The following SLCO1A2 variants were observed in gnomAD, a reference collection of about 807,000 sequenced individuals.
SLCO1A2 encodes the protein OATP-1.
In SLCO1A2, 67 loss-of-function variants were observed where a neutral mutation model predicts 69.0. That is an observed-to-expected ratio of 0.97 (90% CI 0.80 to 1.19). SLCO1A2 has a LOEUF of 1.19. SLCO1A2 is among the 50% of genes most tolerant of loss of function. The pLI, the probability that SLCO1A2 is intolerant of heterozygous loss-of-function variation, is 0.00. For missense variants in SLCO1A2, 787 were observed against 793.7 expected, an observed-to-expected ratio of 0.99 and a Z score of 0.10; for synonymous variants, 260 against 265.9, an observed-to-expected ratio of 0.98 and a Z score of 0.22.
At chr12:21,273,430 A>G (rs903228737) in intron 14 of SLCO1A2, among the ~76,000 whole-genome samples, 2 of 152,202 alleles carry the variant, frequency 1.3e-5, no homozygotes, top group Non-Finnish European at 2.9e-5. Context: ...AGAATTGTCT[A>G]CCAACAATAT....
At chr12:21,298,321 TTCTAGTAATGTGTGGCCTGCC>T (rs879689301) in intron 8 of SLCO1A2, among the ~76,000 whole-genome samples, 1 of 151,950 alleles carries the variant, frequency 6.6e-6, no homozygotes, top group Non-Finnish European at 1.5e-5. Context: ...TTTGGCCTGC[TTCTAGTAATGTGTGGCCTGCC>T]TCTAGTAATG....
intron 2 of SLCO1A2, chr12:21,373,385 G>C: frequency 4.3e-6 from 7 of 1,613,572 alleles, no homozygotes; most frequent in Non-Finnish European, 5.9e-6. Context: ...ATTTCTCATT[G>C]TGCTCTCTGT....
At chr12:21,376,222 C>A in intron 1 of SLCO1A2, 1 of 165,558 alleles carries the variant, frequency 6.0e-6, no homozygotes, top group Non-Finnish European at 1.4e-5. Context: ...TAAAGTATTT[C>A]ACACTGTGCT....
intron 3 of SLCO1A2, among the ~76,000 whole-genome samples, chr12:21,317,420 T>C (rs550699664): frequency 2.4e-4 from 37 of 152,330 alleles, no homozygotes; most frequent in African/African-American, 8.7e-4. Context: ...CTTAACCTCA[T>C]TTCTTCTCCT....
intron 9 of SLCO1A2, among the ~76,000 whole-genome samples, chr12:21,296,326 A>G (rs1356806963): frequency 6.6e-6 from 1 of 152,056 alleles, no homozygotes; most frequent in Non-Finnish European, 1.5e-5. Flanking sequence ...CTGGAGCCTC[A>G]GCTTCCTGGG....
intron 4 of SLCO1A2, among the ~76,000 whole-genome samples, chr12:21,312,512 C>T (rs1950348484): frequency 6.6e-6 from 1 of 152,176 alleles, no homozygotes; most frequent in Non-Finnish European, 1.5e-5. Context: ...CTATTTGGTG[C>T]AAGTGGCTTA....
At chr12:21,368,437 T>C (rs1313696560) in intron 2 of SLCO1A2, among the ~76,000 whole-genome samples, 1 of 151,428 alleles carries the variant, frequency 6.6e-6, no homozygotes, top group Non-Finnish European at 1.5e-5. Flanking sequence ...AAATGCAATC[T>C]TGTTTAGATC....
chr12:21,327,320 T>C (rs1952312897), intron 2 of SLCO1A2, among the ~76,000 whole-genome samples: 2 of 152,060 alleles, frequency 1.3e-5, no homozygotes, highest in African/African-American at 2.4e-5. Flanking sequence ...TAGGGCAGTG[T>C]GGAAGGGAAA....
intron 2 of SLCO1A2, chr12:21,319,435 T>C (rs748486330): frequency 7.3e-7 from 1 of 1,367,826 alleles, no homozygotes; most frequent in Non-Finnish European, 9.8e-7. Context: ...TTCTGCATTC[T>C]CAGCAATGAG....
chr12:21,287,902 C>G (rs958979996), intron 12 of SLCO1A2, among the ~76,000 whole-genome samples: 2 of 123,188 alleles, frequency 1.6e-5, no homozygotes, highest in African/African-American at 3.2e-5. Flanking sequence ...GGGAGATATA[C>G]CTAATGCTAG....
intron 1 of SLCO1A2, among the ~76,000 whole-genome samples, chr12:21,381,898 C>A (rs1055147451): frequency 1.3e-5 from 2 of 152,178 alleles, no homozygotes; most frequent in African/African-American, 4.8e-5. Flanking sequence ...ATTAGTACAA[C>A]CTCTCTGGAA....
intron 11 of SLCO1A2, among the ~76,000 whole-genome samples, chr12:21,293,052 CCCAG>C (rs772028788): frequency 3.8e-4 from 58 of 152,304 alleles, no homozygotes; most frequent in Middle Eastern, 3.4e-3. Context: ...CGCCTGTAAT[CCCAG>C]CACTTTGGGG....
chr12:21,328,973 G>A (rs887955008), intron 2 of SLCO1A2, among the ~76,000 whole-genome samples: 2 of 152,164 alleles, frequency 1.3e-5, no homozygotes, highest in South Asian at 2.1e-4. Context: ...ATTTTATAGG[G>A]ATGGTTGGGA....
At chr12:21,278,088 C>T (rs1024219593) in intron 12 of SLCO1A2, among the ~76,000 whole-genome samples, 28 of 152,122 alleles carry the variant, frequency 1.8e-4, no homozygotes, top group African/African-American at 6.0e-4. Flanking sequence ...CTTAAGTAAA[C>T]GTCAGTGGTG....
chr12:21,363,101 A>C (rs1310432858), intron 2 of SLCO1A2, among the ~76,000 whole-genome samples: 1 of 152,230 alleles, frequency 6.6e-6, no homozygotes, highest in African/African-American at 2.4e-5. Context: ...CATTCTTCTC[A>C]GCAACACATC....
chr12:21,325,621 T>C (rs1952163936), intron 2 of SLCO1A2, among the ~76,000 whole-genome samples: 1 of 152,216 alleles, frequency 6.6e-6, no homozygotes, highest in Non-Finnish European at 1.5e-5. Context: ...TGCAGAAAAC[T>C]GATATGGGGC....
chr12:21,387,466 T>C (rs1940937438), intron 1 of SLCO1A2, among the ~76,000 whole-genome samples: 1 of 152,086 alleles, frequency 6.6e-6, no homozygotes, highest in African/African-American at 2.4e-5. Flanking sequence ...ACTCCAATCA[T>C]GGCTAAAAGG....
At chr12:21,409,958 T>C (rs913698584) in intron 1 of SLCO1A2, among the ~76,000 whole-genome samples, 2 of 152,236 alleles carry the variant, frequency 1.3e-5, no homozygotes, top group African/African-American at 4.8e-5. Flanking sequence ...TTTTAAAATG[T>C]GGAAAGTAAG....
intron 1 of SLCO1A2, chr12:21,403,711 C>CTTTTTTTTT (rs71043273): frequency 2.4e-5 from 2 of 84,308 alleles, no homozygotes; most frequent in African/African-American, 4.5e-5. Context: ...CTCCTCCTTG[C>CTTTTTTTTT]TTTTTTTTTT....
Sources: allele counts gnomAD v4.1 joint callset (sites outside exome capture counted in the v4.1 genomes callset), GRCh38; gene constraint gnomAD v4.1.1; transcripts MANE v1.5; gene names NCBI Gene and HGNC (gene_info 2026-07-23, HGNC 2026-07-21).